The following CGN variants were observed in gnomAD, a reference collection of about 807,000 sequenced individuals.
CGN encodes cingulin.
Under a neutral mutation model 157.1 loss-of-function variants are expected in CGN, and 121 were observed. The ratio of observed to expected loss-of-function variants is 0.77; its 90% confidence interval spans 0.66 to 0.90. CGN has a LOEUF of 0.90. Ranked by LOEUF, CGN falls within the 40% of genes least tolerant of loss-of-function variation. CGN has a pLI of 0.00. For missense variants in CGN, 1,424 were observed against 1,520.9 expected (o/e 0.94, Z 1.06); for synonymous variants, 535 against 607.5 (o/e 0.88, Z 1.76).
rs142236639 is a variant in CGN at position 151,518,558 on chromosome 1, C to T, written c.39C>T (p.Pro13=). ...QAPNMAEPRG[P]VDHGVQIRFI... ...CCAACATGGCTGAGCCCCGGGGCCC[C>T]GTAGACCATGGAGTCCAGATTCGCT... Residue 13 remains proline (P), a synonymous_variant, in exon 2 of 21, where the codon CCC becomes CCT. Coordinates refer to ENST00000271636, the MANE Select transcript of CGN (RefSeq NM_020770.3). 7.4e-4 allele frequency: 1,193 copies of T among 1,612,760 alleles called. 5 individuals carry two copies. The African/African-American group carries it at 0.012, about 16-fold the overall frequency.
chr1:151,528,134 T>G (rs1381729178), intron 10 of CGN, among the ~76,000 whole-genome samples: 1 of 150,322 alleles, frequency 6.7e-6, no homozygotes, highest in Non-Finnish European at 1.5e-5. Context: ...TTTTTTTGTA[T>G]TTTTACAAAA....
Position 151,536,783 on chromosome 1 carries a change from A to G in CGN, c.3360A>G (p.Glu1120=). Residue 1120 remains glutamate (E), a synonymous_variant, in exon 20 of 21, where the codon GAA becomes GAG. Coordinates refer to ENST00000271636, the MANE Select transcript of CGN (RefSeq NM_020770.3). ...LKRQVDEAEE[E]IERLDGLRKK... ...GTCAGGTGGATGAAGCAGAAGAGGA[A>G]ATTGAGCGACTGGACGGCCTGAGGA... is the stretch of plus-strand genomic sequence containing the variant. The G allele has an allele frequency of 6.2e-7, 1 of 1,614,108 alleles. No individual in the cohort carries two copies. Among genetic ancestry groups the G allele is most frequent in the Non-Finnish European group, 8.5e-7 (1 of 1,180,024 alleles).
In CGN at chr1:151,518,880, G is replaced by A. The variant is rs1289038411; in HGVS notation, c.361G>A (p.Asp121Asn). Residue 121 changes from aspartate (D) to asparagine (N), a missense_variant, in exon 2 of 21, where the codon GAT (aspartate) becomes AAT (asparagine). Physicochemically the swap from Asp to Asn is conservative, Grantham distance 23. Coordinates refer to ENST00000271636, the MANE Select transcript of CGN (RefSeq NM_020770.3). ...FPAPSQSSTSDEEPGAYWNGK... is the reference protein window; with the variant it reads ...FPAPSQSSTSNEEPGAYWNGK... Reference sequence around the variant, plus strand: ...TGCCCCCTCGCAGAGCAGCACATCTGATGAGGAGCCTGGGGCCTACTGGAA... The same window carrying A: ...TGCCCCCTCGCAGAGCAGCACATCTAATGAGGAGCCTGGGGCCTACTGGAA... The A allele has an allele frequency of 8.7e-6, 14 of 1,613,936 alleles. No homozygotes were observed. The Admixed American group carries it at 2.3e-4, about 27-fold the overall frequency.
In CGN at chr1:151,529,344, T is replaced by C; in HGVS notation, c.1897-6T>C. 1 of 1,612,528 alleles carries C rather than the reference T, an allele frequency of 6.2e-7. No individual in the cohort carries two copies. The highest frequency in any genetic ancestry group is 1.3e-5 in the African/African-American group (1 of 74,990). On this transcript the variant is annotated splice_region_variant and splice_polypyrimidine_tract_variant and intron_variant, in intron 10 of 20. Coordinates refer to ENST00000271636, the MANE Select transcript of CGN (RefSeq NM_020770.3). ...GTGCCCCATCACCATTCCCGTTTCC[T>C]TCCAGGAGCTGCTCCGGACACAGGA...
chr1:151,527,113 T>C lies in CGN; in HGVS notation c.1896+6T>C. 1 of 1,613,916 alleles carries C rather than the reference T, an allele frequency of 6.2e-7. No individual in the cohort carries two copies. The highest frequency in any genetic ancestry group is 8.5e-7 in the Non-Finnish European group (1 of 1,179,960). On this transcript the variant is annotated splice_donor_region_variant and intron_variant, in intron 10 of 20. Coordinates refer to ENST00000271636, the MANE Select transcript of CGN (RefSeq NM_020770.3). ...AGGTTGAGGTGCTCAAGAAGGTATT[T>C]GGGAATTGGGGGGCAGAATGGTAGG...
intron 4 of CGN, 45 bp downstream of exon 4, chr1:151,520,528 T>C: frequency 6.2e-7 from 1 of 1,611,410 alleles, no homozygotes; most frequent in Non-Finnish European, 8.5e-7. Flanking sequence ...AGGTTAGAGC[T>C]TTGAGGGCCT....
rs775565862 is a variant in CGN, at chr1:151,519,349, T to A, written c.830T>A (p.Phe277Tyr). Reference protein sequence around the residue: ...RQTQDWVLQSFEEPRRSAQDP... With the variant: ...RQTQDWVLQSYEEPRRSAQDP... ...ACTCAGGACTGGGTCCTTCAGAGTT[T>A]TGAGGAGCCGCGGAGGAGTGCACAG... The change falls in exon 2 of 21, where the codon TTT becomes TAT. Residue 277 changes from phenylalanine (F) to tyrosine (Y), a missense_variant. Coordinates refer to ENST00000271636, the MANE Select transcript of CGN (RefSeq NM_020770.3). 2.5e-6 allele frequency: 4 copies of A among 1,606,672 alleles called. No individual in the cohort carries two copies. The East Asian group carries it at 8.9e-5, about 36-fold the overall frequency.
At chr1:151,530,279 G>A (rs540936533) in intron 12 of CGN, among the ~76,000 whole-genome samples, 164 bp downstream of exon 12, 7 of 152,250 alleles carry the variant, frequency 4.6e-5, no homozygotes, top group South Asian at 2.1e-4. Flanking sequence ...ATACTTTGGC[G>A]CCAATGTTCA....
chr1:151,529,249 G>T, intron 10 of CGN, 101 bp from the exon 11 acceptor site: 1 of 1,011,032 alleles, frequency 9.9e-7, no homozygotes, highest in Non-Finnish European at 1.5e-6. Context: ...GGCCACATCA[G>T]TTTTTATTCC....
At chr1:151,520,777 A>G (rs888298335) in intron 5 of CGN, 86 bp downstream of exon 5, 2 of 1,011,442 alleles carry the variant, frequency 2.0e-6, no homozygotes, top group African/African-American at 3.2e-5. Flanking sequence ...GACCCTTCTA[A>G]GCAATGGAAC....
At position 151,518,595 on chromosome 1, in the gene CGN, C is replaced by T; in HGVS notation, c.76C>T (p.Pro26Ser). ...AGTCCAGATTCGCTTCATCACAGAG[C>T]CAGTGAGTGGTGCAGAGATGGGCAC... is the stretch of plus-strand genomic sequence containing the variant. ...HGVQIRFITE[P>S]VSGAEMGTLR... is the part of the protein sequence containing the mutation. Residue 26 changes from proline to serine, a missense_variant, in exon 2 of 21, where the codon CCA (proline) becomes TCA (serine). This residue lies in a region of CGN where 1,187 missense variants were observed against 1,217.6 expected (regional missense o/e 0.97). Coordinates refer to ENST00000271636, the MANE Select transcript of CGN (RefSeq NM_020770.3). 1 of 1,614,094 alleles carries T rather than the reference C, an allele frequency of 6.2e-7. No homozygotes were observed. Among genetic ancestry groups the T allele is most frequent in the Non-Finnish European group, 8.5e-7 (1 of 1,180,016 alleles).
At chr1:151,534,451 GATA>G (rs1159927891) in intron 15 of CGN, 9 of 329,906 alleles carry the variant, frequency 2.7e-5, no homozygotes, top group Non-Finnish European at 3.3e-5. Flanking sequence ...TGCTATATTT[GATA>G]ATAATAATAG....
intron 2 of CGN, 67 bp from the exon 3 acceptor site, chr1:151,520,099 C>T (rs1664505206): frequency 7.8e-7 from 1 of 1,283,110 alleles, no homozygotes; most frequent in African/African-American, 1.5e-5. Flanking sequence ...CCCACGCATG[C>T]TTCTGGCCTA....
rs760284344 is a variant in CGN, at chr1:151,520,226, G to A, written c.934G>A (p.Asp312Asn). 8 of 1,613,874 alleles carry A rather than the reference G, an allele frequency of 5.0e-6. No individual in the cohort carries two copies. The highest frequency in any genetic ancestry group is 5.1e-6 in the Non-Finnish European group (6 of 1,180,006). ...GGAGGCAGCCCCACCAGGCAGTGTG[G>A]ACCATATGAAGGCCACCATCTATGG... ...QQEAAPPGSV[D>N]HMKATIYGIL... Residue 312 changes from aspartate (D) to asparagine (N), a missense_variant, in exon 3 of 21, where the codon GAC (aspartate) becomes AAC (asparagine). By Grantham distance (23) the Asp-to-Asn change is conservative. Around this residue, in one of 3 missense-constraint regions of CGN, gnomAD observed 1,187 missense variants for 1,217.6 expected, o/e 0.97. Coordinates refer to ENST00000271636, the MANE Select transcript of CGN (RefSeq NM_020770.3).
intron 1 of CGN, among the ~76,000 whole-genome samples, chr1:151,513,712 T>C (rs75617271): frequency 5.3e-5 from 8 of 152,320 alleles, no homozygotes; most frequent in African/African-American, 1.7e-4. Context: ...TGCATATGGC[T>C]GGGCCAGAGG....
chr1:151,538,202 C>T lies in CGN; in HGVS notation c.*856C>T, dbSNP rs906755011. On this transcript the variant is annotated 3_prime_UTR_variant, in exon 21 of 21. Coordinates refer to ENST00000271636, the MANE Select transcript of CGN (RefSeq NM_020770.3). ...CCTTCCTCCTCTCCCTCCTCTGTGA[C>T]TGTGGATATGGTTATAAGGTGGTTG... 3 of 152,548 alleles carry T rather than the reference C, an allele frequency of 2.0e-5. No individual in the cohort carries two copies. Among genetic ancestry groups the T allele is most frequent in the Admixed American group, 6.5e-5 (1 of 15,270 alleles). 9.4% of individuals were successfully genotyped at this position (152,548 alleles called of 1,614,324 possible).
Position 151,535,617 on chromosome 1 carries a change from A to G in CGN, c.3012A>G (p.Thr1004=), listed in dbSNP as rs1396095600. The change falls in exon 17 of 21, where the codon ACA becomes ACG. Residue 1004 remains threonine (T), a synonymous_variant. Coordinates refer to ENST00000271636, the MANE Select transcript of CGN (RefSeq NM_020770.3). ...CCCACTAGGTGGATCAGCTGAGGAC[A>G]GAGCTCATGCAGGAAAGGTCTGCTC... ...RGRDQVDQLR[T]ELMQERSARQ... is the part of the protein sequence containing the mutation. 1 of 1,613,028 alleles carries G rather than the reference A, an allele frequency of 6.2e-7. No homozygotes were observed. Among genetic ancestry groups the G allele is most frequent in the Non-Finnish European group, 8.5e-7 (1 of 1,179,122 alleles).
At position 151,535,686 on chromosome 1, in the gene CGN, G is replaced by C; in HGVS notation, c.3078+3G>C. ...ACAAAATCTCCTTGGAGAGACAGGT[G>C]ATGGGGGAGGGGAGGATTCTTAGGG... On this transcript the variant is annotated splice_donor_region_variant and intron_variant, in intron 17 of 20. Transcript: ENST00000271636. The C allele has an allele frequency of 1.2e-6, 2 of 1,613,700 alleles. No homozygotes were observed. Among genetic ancestry groups the C allele is most frequent in the South Asian group, 1.1e-5 (1 of 91,072 alleles).
Position 151,524,345 on chromosome 1 carries a change from A to C in CGN, c.1388A>C (p.Glu463Ala). 6.2e-7 allele frequency: 1 copy of C among 1,613,962 alleles called. No individual in the cohort carries two copies. The highest frequency in any genetic ancestry group is 1.1e-5 in the South Asian group (1 of 91,062). The change falls in exon 7 of 21, where the codon GAG becomes GCG. Residue 463 changes from glutamate to alanine, a missense_variant. Around this residue, in one of 3 missense-constraint regions of CGN, gnomAD observed 1,187 missense variants for 1,217.6 expected, o/e 0.97. Transcript: ENST00000271636. The surrounding 1 kb of genome is among the most constrained non-coding windows in gnomAD (Gnocchi z 4.4). Reference sequence around the variant, plus strand: ...GTCCAGGGTCCTGAGCCTGCTAAGGAGGTGTTACTGAAGGTAGGGTCTGGG... The same window carrying C: ...GTCCAGGGTCCTGAGCCTGCTAAGGCGGTGTTACTGAAGGTAGGGTCTGGG... ...KHVQGPEPAKEVLLKDLLETR... is the reference protein window; with the variant it reads ...KHVQGPEPAKAVLLKDLLETR...
Sources: gnomAD v4.1 joint callset for allele counts (sites outside exome capture counted in the v4.1 genomes callset) on GRCh38, gnomAD v4.1.1 for gene constraint, gnomAD v4.1.1 regional missense constraint, Gnocchi (gnomAD v3.1) non-coding constraint, MANE v1.5 for transcripts, NCBI Gene and HGNC (gene_info 2026-07-23, HGNC 2026-07-21) for gene names.